Variants in RHBDD1 observed in about 807,000 individuals in gnomAD.
RHBDD1 encodes the protein rhomboid domain containing 1, also known as rhomboid-related protein 4.
In RHBDD1, 38 loss-of-function variants were observed where a neutral mutation model predicts 36.3. The observed-to-expected ratio is 1.05, with a 90% confidence interval of 0.81 to 1.37. RHBDD1 has a LOEUF of 1.37. RHBDD1 is among the 40% of genes most tolerant of loss of function. The pLI, the probability that RHBDD1 is intolerant of heterozygous loss-of-function variation, is 0.00. For synonymous variants in RHBDD1, 151 were observed against 136.5 expected, an observed-to-expected ratio of 1.11 and a Z score of -0.74; for missense variants, 393 against 377.6, an observed-to-expected ratio of 1.04 and a Z score of -0.34.
intron 8 of RHBDD1, among the ~76,000 whole-genome samples, chr2:226,935,813 C>G (rs978255726): frequency 6.6e-6 from 1 of 152,004 alleles, no homozygotes; most frequent in African/African-American, 2.4e-5. Flanking sequence ...AAGATAAATT[C>G]AAACAGCTAT....
chr2:226,870,912 A>G (rs114167023), intron 5 of RHBDD1, among the ~76,000 whole-genome samples: 2,975 of 152,248 alleles, frequency 0.02, 41 homozygotes, highest in Middle Eastern at 0.061. Context: ...TTATTGTCTC[A>G]TGGGTAGCAG....
intron 5 of RHBDD1, among the ~76,000 whole-genome samples, chr2:226,868,961 G>A (rs530129056): frequency 6.6e-6 from 1 of 152,280 alleles, no homozygotes; most frequent in African/African-American, 2.4e-5. Flanking sequence ...TGCTTGATGT[G>A]ACTTGGTTCT....
Position 226,914,321 on chromosome 2 carries a change from A to T in RHBDD1, c.826A>T (p.Arg276Ter). 1 of 1,613,492 alleles carries T rather than the reference A, an allele frequency of 6.2e-7. No individual in the cohort carries two copies. The highest frequency in any genetic ancestry group is 8.5e-7 in the Non-Finnish European group (1 of 1,179,682). The change falls in exon 8 of 9, where the codon AGA becomes TGA. Residue 276 changes from arginine to a stop codon, truncating the protein, a stop_gained. Transcript: ENST00000392062. LOFTEE classifies it high-confidence loss of function. ...AGLSEEEQLERALQASLWDRG... is the reference protein window; with the variant it reads ...AGLSEEEQLE The stretch of plus-strand genomic sequence containing the variant: ...ACTGAGTGAAGAAGAACAGCTCGAG[A>T]GAGCATTACAAGCCAGCCTCTGGGA...
chr2:226,970,814 C>G (rs1281951077), intron 8 of RHBDD1, among the ~76,000 whole-genome samples: 1 of 152,158 alleles, frequency 6.6e-6, no homozygotes, highest in African/African-American at 2.4e-5. Context: ...TTTCACAAGG[C>G]AATCTTGGCA....
rs10177625 is a variant in RHBDD1, at chr2:226,931,396, A to C, written c.856+17045A>C. On this transcript the variant is annotated intron_variant, in intron 8 of 8. Coordinates refer to ENST00000392062, the MANE Select transcript of RHBDD1 (RefSeq NM_001167608.3). ...AAGTATTAATAACTCAGGAATAGAA[A>C]ACCAAATACCATATGTTCTCACTTA... is the stretch of plus-strand genomic sequence containing the variant. 5.5e-3 allele frequency among the ~76,000 whole-genome samples: 831 copies of C among 152,226 alleles called. 7 individuals carry two copies. The highest frequency in any genetic ancestry group is 0.019 in the African/African-American group (789 of 41,570).
the RHBDD1 span, among the ~76,000 whole-genome samples, chr2:226,806,099 C>A: frequency 2.0e-5 from 3 of 151,734 alleles, no homozygotes; most frequent in Non-Finnish European, 4.4e-5. Flanking sequence ...TCTTCTTCTT[C>A]TTTTTACTGG....
intron 8 of RHBDD1, chr2:226,988,211 C>T: frequency 1.2e-6 from 1 of 843,964 alleles, no homozygotes; most frequent in Non-Finnish European, 1.8e-6. Context: ...TACCCAAAGA[C>T]AGTCTCAAGA....
At chr2:226,958,952 T>C (rs1285304461) in intron 8 of RHBDD1, among the ~76,000 whole-genome samples, 1 of 152,152 alleles carries the variant, frequency 6.6e-6, no homozygotes, top group Non-Finnish European at 1.5e-5. Context: ...AAAACCATAC[T>C]CTGGTTAGCG....
intron 3 of RHBDD1, among the ~76,000 whole-genome samples, chr2:226,862,029 C>CAT (rs754617023): frequency 2.4e-4 from 37 of 151,988 alleles, no homozygotes; most frequent in Non-Finnish European, 4.0e-4. Context: ...TATGCATACA[C>CAT]ATATATATAT....
At chr2:226,893,300 T>G (rs181837326) in intron 5 of RHBDD1, among the ~76,000 whole-genome samples, 1 of 152,360 alleles carries the variant, frequency 6.6e-6, no homozygotes, top group Non-Finnish European at 1.5e-5. Flanking sequence ...TCTTTCATTT[T>G]ATATTTACTT....
At chr2:226,851,685 A>G (rs1053782416) in intron 3 of RHBDD1, among the ~76,000 whole-genome samples, 1 of 152,126 alleles carries the variant, frequency 6.6e-6, no homozygotes, top group African/African-American at 2.4e-5. Flanking sequence ...CTTGGAATGA[A>G]TTAATTGTGA....
rs1206254409 is a variant in RHBDD1 at position 226,904,424 on chromosome 2, G to GA, written c.567-2369_567-2368insA. On this transcript the variant is annotated intron_variant, in intron 5 of 8. Coordinates refer to ENST00000392062, the MANE Select transcript of RHBDD1 (RefSeq NM_001167608.3). ...GGCACATCCTGCAAGCGGGGGGGGA[G>GA]GGGGGTCAGGGAACTCCTGTTTCAG... is the stretch of plus-strand genomic sequence containing the variant. 4.7e-5 allele frequency among the ~76,000 whole-genome samples: 7 copies of GA among 148,152 alleles called. 2 individuals carry two copies. Among genetic ancestry groups the GA allele is most frequent in the African/African-American group, 1.3e-4 (5 of 39,828 alleles).
intron 5 of RHBDD1, 81 bp from the exon 6 acceptor site, chr2:226,906,712 A>C: frequency 6.2e-7 from 1 of 1,607,238 alleles, no homozygotes; most frequent in Non-Finnish European, 8.5e-7. Context: ...ACTATTTGAC[A>C]TGCACTGGGC....
At position 226,848,554 on chromosome 2, in the gene RHBDD1, C is replaced by T. The variant is rs1942467891; in HGVS notation, c.-91+8927C>T. On this transcript the variant is annotated intron_variant, in intron 3 of 8. Coordinates refer to ENST00000392062, the MANE Select transcript of RHBDD1 (RefSeq NM_001167608.3). ...AAAATCAAATACTTTTCTTAGGTCC[C>T]TCAGATAATTGAGGTCACAAGTCAA... is the stretch of plus-strand genomic sequence containing the variant. Among the ~76,000 whole-genome samples the T allele has an allele frequency of 2.0e-5, 3 of 152,124 alleles. No individual in the cohort carries two copies. The South Asian group carries it at 6.2e-4, about 32-fold the overall frequency.
intron 5 of RHBDD1, among the ~76,000 whole-genome samples, chr2:226,900,911 T>A (rs1947529757): frequency 6.6e-6 from 1 of 152,284 alleles, no homozygotes. Context: ...CCTAGTAAAT[T>A]TCAAGTGTAC....
chr2:226,841,545 A>G (rs1343343667), intron 3 of RHBDD1, among the ~76,000 whole-genome samples: 1 of 152,116 alleles, frequency 6.6e-6, no homozygotes, highest in Non-Finnish European at 1.5e-5. Context: ...ATAAGTGAGA[A>G]CATGCAGTGT....
At chr2:226,840,603 T>G (rs1230625848) in intron 3 of RHBDD1, among the ~76,000 whole-genome samples, 2 of 152,208 alleles carry the variant, frequency 1.3e-5, no homozygotes, top group Non-Finnish European at 2.9e-5. Flanking sequence ...CAGTACTGGT[T>G]GTATGATTTG....
rs1959390765 is a variant in RHBDD1 at position 226,996,639 on chromosome 2, A to G, written c.*1117A>G. ...ATAGTTTTCTGATTATGCACATAAT[A>G]GATATGCCTTCCAGATGCATAAGGC... On this transcript the variant is annotated 3_prime_UTR_variant, in exon 9 of 9. Transcript: ENST00000392062. 6.6e-6 allele frequency: 1 copy of G among 152,258 alleles called. No individual in the cohort carries two copies. The highest frequency in any genetic ancestry group is 6.5e-5 in the Admixed American group (1 of 15,292). The allele number at this position is 152,258 out of a possible 1,614,324, so 9.4% of individuals were successfully genotyped here.
chr2:226,941,108 A>C (rs1362191756), intron 8 of RHBDD1, among the ~76,000 whole-genome samples: 2 of 152,026 alleles, frequency 1.3e-5, no homozygotes, highest in Non-Finnish European at 2.9e-5. Flanking sequence ...CACCATGCCC[A>C]GCAAAGCTTT....
Sources: allele counts gnomAD v4.1 joint callset (sites outside exome capture counted in the v4.1 genomes callset), GRCh38; gene constraint gnomAD v4.1.1; transcripts MANE v1.5; gene names NCBI Gene and HGNC (gene_info 2026-07-23, HGNC 2026-07-21).